Variants in SYTL5 observed in about 807,000 individuals in gnomAD.
SYTL5 encodes synaptotagmin like 5, also known as synaptotagmin-like protein 5.
A neutral mutation model predicts 55.9 loss-of-function variants in SYTL5; 34 were observed. That is an observed-to-expected ratio of 0.61 (90% CI 0.46 to 0.81). The LOEUF (loss-of-function observed/expected upper bound fraction) is 0.81, where lower values mean the gene tolerates loss of function less well. Among genes scored for constraint, SYTL5 ranks in the 30% least tolerant of loss-of-function variants. The pLI, the probability that SYTL5 is intolerant of heterozygous loss-of-function variation, is 0.00. For synonymous variants in SYTL5, 221 were observed against 188.7 expected, an observed-to-expected ratio of 1.17 and a Z score of -1.40; for missense variants, 637 against 546.7, an observed-to-expected ratio of 1.17 and a Z score of -1.65.
At chrX:37,974,285 A>G in the SYTL5 span, among the ~76,000 whole-genome samples, 1 of 112,675 alleles carries the variant, frequency 8.9e-6, no homozygotes, top group Non-Finnish European at 1.9e-5. Flanking sequence ...ACGTACTGCA[A>G]CATGAATGAA....
At chrX:38,114,826 T>C (rs1455102337) in intron 13 of SYTL5, among the ~76,000 whole-genome samples, 4 of 111,413 alleles carry the variant, frequency 3.6e-5, no homozygotes, top group Non-Finnish European at 7.5e-5. Context: ...GGCCAGCATC[T>C]ACCCAGTTCT....
chrX:37,932,830 A>T, the SYTL5 span, among the ~76,000 whole-genome samples: 1 of 111,845 alleles, frequency 8.9e-6, no homozygotes, highest in Non-Finnish European at 1.9e-5. Flanking sequence ...TTTTTTACCC[A>T]CATGCCTAGT....
In SYTL5 at chrX:38,091,403, C is replaced by T. The variant is rs1249900929; in HGVS notation, c.831+1816C>T. Among the ~76,000 whole-genome samples the T allele has an allele frequency of 1.8e-5, 2 of 112,146 alleles. 1 individual carries two copies. The highest frequency in any genetic ancestry group is 5.6e-4 in the East Asian group (2 of 3,596). On this transcript the variant is annotated intron_variant, in intron 7 of 16. Transcript: ENST00000297875. ...TTTCTGTTCAATAGCTAGAAAGGTG[C>T]ATGGATAGTTGACGAATACACTCAC...
chrX:37,929,167 C>T, the SYTL5 span, among the ~76,000 whole-genome samples: 1 of 112,280 alleles, frequency 8.9e-6, no homozygotes, highest in Non-Finnish European at 1.9e-5. Flanking sequence ...AAGACTGCAT[C>T]TCTGGAGGAT....
chrX:38,124,379 C>A (rs772339226), intron 15 of SYTL5, among the ~76,000 whole-genome samples: 1 of 111,775 alleles, frequency 8.9e-6, no homozygotes, highest in South Asian at 3.7e-4. Context: ...GAAATTAAAT[C>A]TTAAGTGACT....
the SYTL5 span, among the ~76,000 whole-genome samples, chrX:37,890,040 G>A: frequency 9.0e-6 from 1 of 111,564 alleles, no homozygotes; most frequent in South Asian, 3.9e-4. Context: ...CTTATACAAA[G>A]GCTGGAAGGT....
the SYTL5 span, among the ~76,000 whole-genome samples, chrX:37,914,851 G>A: frequency 2.7e-5 from 3 of 111,887 alleles, no homozygotes; most frequent in African/African-American, 9.7e-5. Context: ...ATGGCTCTCA[G>A]AGTCAATGTT....
chrX:38,036,411 G>A (rs542121841), intron 2 of SYTL5, among the ~76,000 whole-genome samples: 3 of 110,627 alleles, frequency 2.7e-5, no homozygotes, highest in South Asian at 7.8e-4. Flanking sequence ...AAGTAAATTC[G>A]GTTAAATTGG....
the SYTL5 span, among the ~76,000 whole-genome samples, chrX:37,977,880 G>GA: frequency 9.0e-6 from 1 of 111,042 alleles, no homozygotes; most frequent in Non-Finnish European, 1.9e-5. Flanking sequence ...CCATGCACAG[G>GA]AAGGGGTTGG....
chrX:38,009,601 A>AT (rs1308119680), intron 1 of SYTL5, among the ~76,000 whole-genome samples: 2 of 110,530 alleles, frequency 1.8e-5, no homozygotes, highest in East Asian at 2.8e-4. Flanking sequence ...CTTTTCTGTT[A>AT]TTTTTTTCTT....
At chrX:38,035,425 AC>A (rs1325175154) in intron 2 of SYTL5, among the ~76,000 whole-genome samples, 3 of 111,505 alleles carry the variant, frequency 2.7e-5, no homozygotes, top group African/African-American at 9.8e-5. Context: ...CCCCATCTCT[AC>A]TAAAAATACA....
intron 6 of SYTL5, among the ~76,000 whole-genome samples, chrX:38,088,466 G>A (rs1044696754): frequency 3.6e-5 from 4 of 111,500 alleles, no homozygotes; most frequent in African/African-American, 9.8e-5. Flanking sequence ...TGCCCACTGA[G>A]GGAAAAGAAT....
chrX:38,041,304 T>A (rs755156749), intron 2 of SYTL5, among the ~76,000 whole-genome samples: 12 of 112,480 alleles, frequency 1.1e-4, no homozygotes, highest in African/African-American at 3.9e-4. Flanking sequence ...AATACCCTTT[T>A]AATACACTAT....
At chrX:38,050,879 A>G (rs1475748581) in intron 2 of SYTL5, among the ~76,000 whole-genome samples, 1 of 112,030 alleles carries the variant, frequency 8.9e-6, no homozygotes, top group African/African-American at 3.2e-5. Context: ...TGTGTGGTGA[A>G]CCCTGCCCTT....
chrX:37,941,321 G>C, the SYTL5 span, among the ~76,000 whole-genome samples: 2 of 111,284 alleles, frequency 1.8e-5, no homozygotes, highest in South Asian at 7.6e-4. Context: ...CAATTTTGGA[G>C]TGTATTTCCT....
At chrX:37,978,956 CTT>C in the SYTL5 span, among the ~76,000 whole-genome samples, 2 of 111,479 alleles carry the variant, frequency 1.8e-5, no homozygotes, top group South Asian at 7.5e-4. Context: ...ATGATTTTAA[CTT>C]AATATATTAT....
rs1937663475 is a variant in SYTL5 at position 38,126,832 on chromosome X, C to T, written c.*102C>T. On this transcript the variant is annotated 3_prime_UTR_variant, in exon 17 of 17. Coordinates refer to ENST00000297875, the MANE Select transcript of SYTL5 (RefSeq NM_138780.3). The stretch of plus-strand genomic sequence containing the variant: ...GGGATTCTGCTTCCCTGCCATTTCT[C>T]ACCTGACAGTGTTGGGACATGAGGG... 3.4e-6 allele frequency: 3 copies of T among 881,258 alleles called. No homozygotes were observed. The South Asian group carries it at 7.7e-5, about 23-fold the overall frequency. 72.6% of individuals were successfully genotyped at this position (881,258 alleles called of 1,213,427 possible). A position where few individuals can be genotyped will look rare whatever the true frequency, so the allele number is the denominator to read the frequency against.
At chrX:37,894,992 A>G in the SYTL5 span, among the ~76,000 whole-genome samples, 1 of 111,458 alleles carries the variant, frequency 9.0e-6, no homozygotes, top group African/African-American at 3.3e-5. Flanking sequence ...AGGGCAGATC[A>G]TGAGACTTCT....
At chrX:38,063,650 T>A (rs1307605370) in intron 3 of SYTL5, among the ~76,000 whole-genome samples, 2 of 111,900 alleles carry the variant, frequency 1.8e-5, no homozygotes, top group Non-Finnish European at 3.8e-5. Flanking sequence ...TTTTTGAATA[T>A]TATGGAAATG....
Sources: allele counts gnomAD v4.1 joint callset (sites outside exome capture counted in the v4.1 genomes callset), GRCh38; gene constraint gnomAD v4.1.1; transcripts MANE v1.5; gene names NCBI Gene and HGNC (gene_info 2026-07-23, HGNC 2026-07-21).